The following SYT1 variants were observed in gnomAD, a reference collection of about 807,000 sequenced individuals.
SYT1 encodes synaptotagmin-1.
A neutral mutation model predicts 44.8 loss-of-function variants in SYT1; 8 were observed. The ratio of observed to expected loss-of-function variants is 0.18; its 90% CI spans 0.10 to 0.32. SYT1 has a LOEUF of 0.32. SYT1 is among the 10% of genes least tolerant of loss of function. SYT1 has a pLI of 1.00. For missense variants in SYT1, 286 were observed against 509.3 expected (o/e 0.56, Z 4.22); for synonymous variants, 154 against 188.8 (o/e 0.82, Z 1.51).
rs115738782 is a variant in SYT1 at position 79,071,603 on chromosome 12, C to T, written c.-18+24241C>T. Reference sequence around the variant, plus strand: ...TCTCACAGTTCTGAAGACTAGAAATCCAAACTCAAGATGTCAGTCAGGCAG... The same window carrying T: ...TCTCACAGTTCTGAAGACTAGAAATTCAAACTCAAGATGTCAGTCAGGCAG... On this transcript the variant is annotated intron_variant, in intron 3 of 10. Transcript: ENST00000261205. 3.6e-3 allele frequency among the ~76,000 whole-genome samples: 544 copies of T among 152,264 alleles called. 3 individuals are homozygous for T. The highest frequency in any genetic ancestry group is 0.013 in the African/African-American group (524 of 41,562).
At chr12:79,185,109 A>G (rs1872733198) in intron 3 of SYT1, among the ~76,000 whole-genome samples, 1 of 152,064 alleles carries the variant, frequency 6.6e-6, no homozygotes, top group African/African-American at 2.4e-5. Flanking sequence ...CCTCAGGAGC[A>G]CTAGTTATGC....
chr12:78,924,931 A>T (rs1374432437), intron 1 of SYT1, among the ~76,000 whole-genome samples: 1 of 151,734 alleles, frequency 6.6e-6, no homozygotes, highest in Non-Finnish European at 1.5e-5. Context: ...TCTTGTTGCT[A>T]CTGGGTGTCA....
chr12:79,361,794 C>T (rs1179352150), intron 9 of SYT1, among the ~76,000 whole-genome samples: 5 of 152,084 alleles, frequency 3.3e-5, no homozygotes, highest in African/African-American at 1.2e-4. Context: ...GAGAGGTTGC[C>T]GAACATGGTA....
At chr12:79,311,193 A>G (rs1249758868) in intron 8 of SYT1, among the ~76,000 whole-genome samples, 4 of 152,346 alleles carry the variant, frequency 2.6e-5, no homozygotes, top group African/African-American at 9.6e-5. Context: ...CGTCCCCATC[A>G]AAAAGTGGGC....
intron 1 of SYT1, among the ~76,000 whole-genome samples, chr12:78,933,225 A>C (rs540813899): frequency 1.3e-5 from 2 of 152,226 alleles, no homozygotes; most frequent in African/African-American, 4.8e-5. Flanking sequence ...TGTGTGACTA[A>C]TACCAGGGCA....
At chr12:79,206,347 G>A (rs750691444) in intron 3 of SYT1, among the ~76,000 whole-genome samples, 12 of 152,142 alleles carry the variant, frequency 7.9e-5, no homozygotes, top group East Asian at 3.9e-4. Context: ...GGTTTCAGAC[G>A]ACAACCCAGA....
chr12:78,993,870 C>G (rs924830958), intron 2 of SYT1, among the ~76,000 whole-genome samples: 3 of 152,202 alleles, frequency 2.0e-5, no homozygotes, highest in Non-Finnish European at 2.9e-5. Flanking sequence ...CATTCTCATA[C>G]TTAACAAATA....
intron 9 of SYT1, among the ~76,000 whole-genome samples, chr12:79,424,108 C>T (rs377662414): frequency 5.9e-5 from 9 of 151,918 alleles, no homozygotes; most frequent in Non-Finnish European, 7.4e-5. Flanking sequence ...AAATGCTGTA[C>T]GTATAAGGGA....
intron 9 of SYT1, among the ~76,000 whole-genome samples, chr12:79,387,594 A>C (rs963160695): frequency 6.6e-6 from 1 of 152,260 alleles, no homozygotes; most frequent in Non-Finnish European, 1.5e-5. Context: ...TAGTTAAATA[A>C]CATTTCAAAT....
At chr12:79,364,084 AT>A (rs1319799046) in intron 9 of SYT1, among the ~76,000 whole-genome samples, 1 of 152,176 alleles carries the variant, frequency 6.6e-6, no homozygotes, top group Non-Finnish European at 1.5e-5. Context: ...ACTTAATGCA[AT>A]TATTTTGGCA....
At chr12:79,433,551 T>C (rs1042556318) in intron 9 of SYT1, among the ~76,000 whole-genome samples, 6 of 152,000 alleles carry the variant, frequency 3.9e-5, no homozygotes, top group African/African-American at 1.4e-4. Context: ...TTAACCTATA[T>C]CTCAAAAAAA....
At chr12:79,241,201 TA>T (rs1428896733) in intron 4 of SYT1, among the ~76,000 whole-genome samples, 1 of 151,420 alleles carries the variant, frequency 6.6e-6, no homozygotes, top group Non-Finnish European at 1.5e-5. Flanking sequence ...AAATGGTAAG[TA>T]AAATTCTGAG....
chr12:78,894,016 A>G (rs1170875243), intron 1 of SYT1, among the ~76,000 whole-genome samples: 1 of 151,612 alleles, frequency 6.6e-6, no homozygotes, highest in East Asian at 1.9e-4. Context: ...AATATTGGTG[A>G]GAGCACTGTG....
intron 3 of SYT1, among the ~76,000 whole-genome samples, chr12:79,195,068 G>A (rs1308514046): frequency 1.3e-5 from 2 of 152,114 alleles, no homozygotes; most frequent in Non-Finnish European, 2.9e-5. Context: ...AGCCCATTTT[G>A]CATATTTATT....
intron 2 of SYT1, among the ~76,000 whole-genome samples, chr12:79,014,043 T>C (rs1178443894): frequency 1.4e-5 from 2 of 144,288 alleles, no homozygotes; most frequent in Non-Finnish European, 3.0e-5. Context: ...GAGAATCGCT[T>C]GAACCCAGGA....
chr12:79,345,360 A>G (rs868684572), intron 8 of SYT1, among the ~76,000 whole-genome samples: 2 of 152,206 alleles, frequency 1.3e-5, no homozygotes, highest in East Asian at 3.9e-4. Context: ...TTCACCTCCT[A>G]TAGCATTTGT....
At chr12:79,064,967 A>C (rs540662572) in intron 3 of SYT1, among the ~76,000 whole-genome samples, 1 of 150,832 alleles carries the variant, frequency 6.6e-6, no homozygotes, top group African/African-American at 2.4e-5. Context: ...AAAGAAAGAA[A>C]GAAAGAAAGA....
rs1284079632 is a variant in SYT1 at position 78,890,560 on chromosome 12, A to ATAATAT, written c.-217+25452_-217+25453insAATATT. 2.0e-5 allele frequency among the ~76,000 whole-genome samples: 3 copies of ATAATAT among 151,882 alleles called. No homozygotes were observed. The East Asian group carries it at 5.8e-4, about 30-fold the overall frequency. On this transcript the variant is annotated intron_variant, in intron 1 of 10. Coordinates refer to ENST00000261205, the MANE Select transcript of SYT1 (RefSeq NM_005639.3). ...TAATAAAATAATAATAATAATAATA[A>ATAATAT]TGTATCTTAAACTAGACTGTTCAGG...
At chr12:78,889,875 A>G (rs1372140927) in intron 1 of SYT1, among the ~76,000 whole-genome samples, 1 of 151,968 alleles carries the variant, frequency 6.6e-6, no homozygotes, top group African/African-American at 2.4e-5. Context: ...TAATTAATAA[A>G]GACACTGGTC....
Sources: allele counts gnomAD v4.1 joint callset (sites outside exome capture counted in the v4.1 genomes callset), GRCh38; gene constraint gnomAD v4.1.1; transcripts MANE v1.5; gene names NCBI Gene and HGNC (gene_info 2026-07-23, HGNC 2026-07-21).